MRPS27: variants seen among roughly 807,000 people sequenced by gnomAD.
MRPS27 encodes mitochondrial ribosomal protein S27, also known as small ribosomal subunit protein mS27.
In MRPS27, 43 loss-of-function variants were observed where a neutral mutation model predicts 48.9. The observed-to-expected ratio is 0.88, with a 90% CI of 0.69 to 1.13. The LOEUF is 1.13. Ranked by LOEUF, MRPS27 falls within the 50% of genes most tolerant of loss-of-function variation. The pLI is 0.00. For missense variants in MRPS27, 467 were observed against 476.3 expected (o/e 0.98, Z 0.18); for synonymous variants, 188 against 171.9 (o/e 1.09, Z -0.73).
intron 5 of MRPS27, among the ~76,000 whole-genome samples, chr5:72,237,611 T>G (rs1331990142): frequency 6.6e-6 from 1 of 152,146 alleles, no homozygotes; most frequent in Non-Finnish European, 1.5e-5. Flanking sequence ...AGAAAGATCC[T>G]AATCCTAGAG....
intron 1 of MRPS27, among the ~76,000 whole-genome samples, chr5:72,317,928 G>A (rs979960918): frequency 1.3e-5 from 2 of 152,110 alleles, no homozygotes; most frequent in African/African-American, 4.8e-5. Context: ...TTTAAGCTGG[G>A]GTGTCCATTT....
chr5:72,279,650 G>A (rs1033988196), intron 4 of MRPS27, among the ~76,000 whole-genome samples: 5 of 151,624 alleles, frequency 3.3e-5, no homozygotes, highest in Non-Finnish European at 7.4e-5. Context: ...CTGAATCATG[G>A]AAGACAACAA....
At chr5:72,267,319 A>T (rs1341274971) in intron 4 of MRPS27, among the ~76,000 whole-genome samples, 1 of 152,226 alleles carries the variant, frequency 6.6e-6, no homozygotes, top group Non-Finnish European at 1.5e-5. Context: ...ATAAGTTCAT[A>T]TAACATATGA....
At chr5:72,284,321 G>A (rs1419599485) in intron 4 of MRPS27, among the ~76,000 whole-genome samples, 1 of 151,634 alleles carries the variant, frequency 6.6e-6, no homozygotes, top group Admixed American at 6.6e-5. Flanking sequence ...CTACCTGGGA[G>A]GCTGAGGTAG....
At chr5:72,289,242 G>A (rs765936556) in intron 4 of MRPS27, among the ~76,000 whole-genome samples, 3 of 152,224 alleles carry the variant, frequency 2.0e-5, no homozygotes, top group African/African-American at 4.8e-5. Context: ...AGCTTGCCAC[G>A]CAATCTGAAC....
Position 72,226,115 on chromosome 5 carries a change from A to T in MRPS27, c.779T>A (p.Leu260His). ...GGCAGCCACTTTCTCCATCACTTGA[A>T]GGGCTCTGTCAAGGTAGCCTGGTTT... Reference protein sequence around the residue: ...IWKPGYLDRALQVMEKVAASP... With the variant: ...IWKPGYLDRAHQVMEKVAASP... The change falls in exon 9 of 11, where the codon CTT becomes CAT. Residue 260 changes from leucine to histidine, a missense_variant. Physicochemically the swap from Leu to His is moderately conservative, Grantham distance 99. Transcript: ENST00000261413. 1 of 1,613,820 alleles carries T rather than the reference A, an allele frequency of 6.2e-7. No individual in the cohort carries two copies. Among genetic ancestry groups the T allele is most frequent in the Non-Finnish European group, 8.5e-7 (1 of 1,179,812 alleles).
intron 3 of MRPS27, among the ~76,000 whole-genome samples, chr5:72,297,171 A>G (rs1750002800): frequency 6.6e-6 from 1 of 152,218 alleles, no homozygotes; most frequent in Admixed American, 6.5e-5. Context: ...GAAGGTGCTC[A>G]GTAATGGTTA....
chr5:72,255,797 A>C (rs913469502), intron 4 of MRPS27, among the ~76,000 whole-genome samples: 4 of 152,132 alleles, frequency 2.6e-5, no homozygotes, highest in Non-Finnish European at 5.9e-5. Flanking sequence ...AGACAGTCTG[A>C]CTCCAGAGCT....
chr5:72,295,703 C>A, intron 3 of MRPS27, 114 bp from the exon 4 acceptor site: 1 of 738,080 alleles, frequency 1.4e-6, no homozygotes, highest in East Asian at 2.6e-5. Flanking sequence ...TTTATTGGAA[C>A]GATGGTGATG....
chr5:72,317,829 C>CT (rs1222261952), intron 1 of MRPS27, among the ~76,000 whole-genome samples: 1 of 152,192 alleles, frequency 6.6e-6, no homozygotes, highest in Non-Finnish European at 1.5e-5. Context: ...AGAATACCCC[C>CT]TCAAATACCA....
At chr5:72,310,406 G>T (rs534410076) in intron 2 of MRPS27, among the ~76,000 whole-genome samples, 1 of 152,230 alleles carries the variant, frequency 6.6e-6, no homozygotes, top group Admixed American at 6.5e-5. Context: ...CAAAAAAGAG[G>T]GGGGTGGGGG....
At chr5:72,280,644 G>A (rs1474887903) in intron 4 of MRPS27, among the ~76,000 whole-genome samples, 1 of 152,164 alleles carries the variant, frequency 6.6e-6, no homozygotes, top group Non-Finnish European at 1.5e-5. Flanking sequence ...CTGCTCTTGT[G>A]CATGCCAGAT....
intron 4 of MRPS27, among the ~76,000 whole-genome samples, chr5:72,266,206 A>G (rs1340834868): frequency 6.6e-6 from 1 of 152,248 alleles, no homozygotes; most frequent in Non-Finnish European, 1.5e-5. Flanking sequence ...ATATCCAGAT[A>G]TGCAGCAGTC....
chr5:72,237,465 T>A (rs1748229422), intron 5 of MRPS27, among the ~76,000 whole-genome samples: 1 of 152,292 alleles, frequency 6.6e-6, no homozygotes, highest in Non-Finnish European at 1.5e-5. Flanking sequence ...AAAAAGACTG[T>A]TAAAATATCT....
intron 1 of MRPS27, among the ~76,000 whole-genome samples, chr5:72,317,893 A>T (rs1724872418): frequency 6.6e-6 from 1 of 152,188 alleles, no homozygotes; most frequent in Admixed American, 6.5e-5. Flanking sequence ...TTTGCAAATA[A>T]CCCACAAACA....
intron 4 of MRPS27, among the ~76,000 whole-genome samples, chr5:72,276,195 T>C (rs1749370485): frequency 6.6e-6 from 1 of 152,078 alleles, no homozygotes; most frequent in African/African-American, 2.4e-5. Context: ...CCAAACAGCA[T>C]AGTACTGGTA....
At chr5:72,307,929 A>C (rs915969515) in intron 2 of MRPS27, 8 of 152,396 alleles carry the variant, frequency 5.2e-5, no homozygotes, top group Admixed American at 4.6e-4. Context: ...CTATGGTAGA[A>C]TCTCAGGTAC....
Position 72,265,192 on chromosome 5 carries a change from G to A in MRPS27, c.282-27064C>T, listed in dbSNP as rs1415069933. Among the ~76,000 whole-genome samples the A allele has an allele frequency of 2.6e-5, 4 of 152,114 alleles. No individual in the cohort carries two copies. The East Asian group carries it at 7.7e-4, about 29-fold the overall frequency. ...GTTTCCTTAAAATGCTGATAAGCTC[G>A]CCATTTGATAATGACACAAATCTAG... On this transcript the variant is annotated intron_variant, in intron 4 of 10. Coordinates refer to ENST00000261413, the MANE Select transcript of MRPS27 (RefSeq NM_015084.3).
intron 5 of MRPS27, among the ~76,000 whole-genome samples, chr5:72,237,067 C>T (rs1032631573): frequency 2.6e-5 from 4 of 151,754 alleles, no homozygotes; most frequent in African/African-American, 4.8e-5. Flanking sequence ...CTACAGGTCT[C>T]GAACTCCTGG....
Sources: gnomAD v4.1 joint callset for allele counts (sites outside exome capture counted in the v4.1 genomes callset) on GRCh38, gnomAD v4.1.1 for gene constraint, MANE v1.5 for transcripts, NCBI Gene and HGNC (gene_info 2026-07-23, HGNC 2026-07-21) for gene names.